GHR: variants seen among roughly 807,000 people sequenced by gnomAD.
GHR encodes growth hormone receptor.
In GHR, 35 loss-of-function variants were observed where a neutral mutation model predicts 67.1. The observed-to-expected ratio is 0.52, with a 90% CI of 0.40 to 0.69. The LOEUF (loss-of-function observed/expected upper bound fraction) is 0.69. Ranked by LOEUF, GHR falls within the 30% of genes least tolerant of loss-of-function variation. The pLI is 0.00. For missense variants in GHR, 792 were observed against 764.6 expected, an observed-to-expected ratio of 1.04 and a Z score of -0.42; for synonymous variants, 272 against 269.1, an observed-to-expected ratio of 1.01 and a Z score of -0.10.
intron 3 of GHR, among the ~76,000 whole-genome samples, chr5:42,666,012 G>C (rs140029709): frequency 2.0e-5 from 3 of 151,996 alleles, no homozygotes; most frequent in Admixed American, 6.6e-5. Context: ...TGACACATGC[G>C]GATTATGGGA....
chr5:42,604,334 C>A (rs1752519201), intron 2 of GHR, among the ~76,000 whole-genome samples: 1 of 152,202 alleles, frequency 6.6e-6, no homozygotes, highest in African/African-American at 2.4e-5. Flanking sequence ...TGCTAACAGA[C>A]TGAATGGAAA....
chr5:42,718,595 A>G lies in GHR; in HGVS notation c.1088A>G (p.Asp363Gly), dbSNP rs575168546. 20 of 1,614,172 alleles carry G rather than the reference A, an allele frequency of 1.2e-5. No individual in the cohort carries two copies. In the African/African-American group the frequency reaches 2.5e-4, roughly 20 times the overall value. Residue 363 changes from aspartate (D) to glycine (G), a missense_variant, in exon 10 of 10, where the codon GAC (aspartate) becomes GGC (glycine). Transcript: ENST00000230882. ...PDEKTEESDTDRLLSSDHEKS... is the reference protein window; with the variant it reads ...PDEKTEESDTGRLLSSDHEKS... ...GAAAAGACTGAGGAATCAGACACAG[A>G]CAGACTTCTAAGCAGTGACCATGAG...
chr5:42,479,494 G>A (rs540824240), intron 1 of GHR, among the ~76,000 whole-genome samples: 12 of 152,234 alleles, frequency 7.9e-5, no homozygotes, highest in African/African-American at 7.2e-5. Context: ...GGTAGAATTC[G>A]GCTGTGAATC....
chr5:42,438,322 A>C (rs1345413401), intron 1 of GHR, among the ~76,000 whole-genome samples: 1 of 152,196 alleles, frequency 6.6e-6, no homozygotes, highest in African/African-American at 2.4e-5. Context: ...TCCTAATTGC[A>C]AATGTGTCCA....
chr5:42,493,430 T>C (rs773505061), intron 1 of GHR, among the ~76,000 whole-genome samples: 1 of 152,220 alleles, frequency 6.6e-6, no homozygotes, highest in African/African-American at 2.4e-5. Flanking sequence ...AGGAAACCTA[T>C]GCCTAAAAAT....
chr5:42,508,667 G>A (rs1003468346), intron 1 of GHR, among the ~76,000 whole-genome samples: 2 of 152,118 alleles, frequency 1.3e-5, no homozygotes, highest in Non-Finnish European at 2.9e-5. Context: ...TGCGCCTCCC[G>A]AGTTCACGCC....
intron 3 of GHR, among the ~76,000 whole-genome samples, chr5:42,650,565 C>T (rs1006060667): frequency 3.5e-5 from 4 of 115,652 alleles, no homozygotes; most frequent in African/African-American, 1.5e-4. Context: ...AATGTACTCA[C>T]TTTTACAGAT....
At chr5:42,645,849 G>T (rs1754703761) in intron 3 of GHR, among the ~76,000 whole-genome samples, 1 of 152,194 alleles carries the variant, frequency 6.6e-6, no homozygotes, top group African/African-American at 2.4e-5. Flanking sequence ...CCGATTTCTA[G>T]GAGCCCTAGG....
chr5:42,670,642 CA>C (rs577222803), intron 3 of GHR, among the ~76,000 whole-genome samples: 57 of 151,424 alleles, frequency 3.8e-4, no homozygotes, highest in African/African-American at 1.4e-3. Flanking sequence ...GTTAATATTC[CA>C]AAAGGTACAA....
intron 2 of GHR, among the ~76,000 whole-genome samples, chr5:42,616,871 G>T (rs1280054523): frequency 1.3e-5 from 2 of 152,072 alleles, no homozygotes; most frequent in Non-Finnish European, 2.9e-5. Flanking sequence ...TAATGTACTG[G>T]GTCAAATGCC....
At chr5:42,632,499 C>A (rs971557302) in intron 3 of GHR, among the ~76,000 whole-genome samples, 3 of 152,202 alleles carry the variant, frequency 2.0e-5, no homozygotes, top group African/African-American at 7.2e-5. Context: ...CTCTTGCTCA[C>A]CAAAAACTGT....
At chr5:42,532,074 G>A (rs1378317280) in intron 1 of GHR, among the ~76,000 whole-genome samples, 3 of 150,532 alleles carry the variant, frequency 2.0e-5, no homozygotes, top group Non-Finnish European at 4.4e-5. Context: ...CATATGATTT[G>A]CTTTTCTTCT....
intron 8 of GHR, among the ~76,000 whole-genome samples, chr5:42,715,978 G>A (rs10063527): frequency 1.3e-5 from 2 of 152,102 alleles, no homozygotes; most frequent in African/African-American, 4.8e-5. Context: ...TGCCACTGTG[G>A]CATAAGGTCA....
intron 3 of GHR, among the ~76,000 whole-genome samples, chr5:42,641,182 G>GCTGTATATAT (rs57383090): frequency 6.6e-6 from 1 of 151,772 alleles, no homozygotes; most frequent in African/African-American, 2.4e-5. Context: ...GCTGTACACA[G>GCTGTATATAT]AGCTAAAAGT....
chr5:42,437,470 C>T (rs1579696382), intron 1 of GHR, among the ~76,000 whole-genome samples: 1 of 152,210 alleles, frequency 6.6e-6, no homozygotes, highest in African/African-American at 2.4e-5. Context: ...TCATGTTTTA[C>T]ACACAGCAGT....
chr5:42,449,979 T>C (rs2940934), intron 1 of GHR, among the ~76,000 whole-genome samples: 34,533 of 152,010 alleles, frequency 0.23, 4,379 homozygotes, highest in African/African-American at 0.32. Context: ...GAAACCACTA[T>C]ATCCCTAGTA....
chr5:42,424,584 T>A lies in GHR; in HGVS notation c.-12+629T>A. 6.5e-7 allele frequency: 1 copy of A among 1,534,914 alleles called. No individual in the cohort carries two copies. The highest frequency in any genetic ancestry group is 1.2e-5 in the South Asian group (1 of 84,032). On this transcript the variant is annotated intron_variant, in intron 1 of 9. Coordinates refer to ENST00000230882, the MANE Select transcript of GHR (RefSeq NM_000163.5). This position sits in a 1 kb window ranked among gnomAD's most constrained non-coding sequence, Gnocchi z 4.1. ...GGGTCAGTAGAGTGACAGCCACCAGTCCGCATGAACTGGGGTAAGTGGAAA... is the reference window on the plus strand; with the variant it reads ...GGGTCAGTAGAGTGACAGCCACCAGACCGCATGAACTGGGGTAAGTGGAAA...
intron 1 of GHR, among the ~76,000 whole-genome samples, chr5:42,455,326 C>G (rs1744216619): frequency 6.6e-6 from 1 of 152,064 alleles, no homozygotes; most frequent in Non-Finnish European, 1.5e-5. Flanking sequence ...TGTGGTGGTT[C>G]TTGGAAAAAA....
intron 1 of GHR, among the ~76,000 whole-genome samples, chr5:42,459,428 C>T (rs574874227): frequency 1.9e-4 from 29 of 152,192 alleles, no homozygotes; most frequent in South Asian, 4.2e-4. Flanking sequence ...AACCAAATAC[C>T]ACATGTTCTC....
Sources: allele counts gnomAD v4.1 joint callset (sites outside exome capture counted in the v4.1 genomes callset), GRCh38; gene constraint gnomAD v4.1.1; non-coding constraint Gnocchi (gnomAD v3.1); transcripts MANE v1.5; gene names NCBI Gene and HGNC (gene_info 2026-07-23, HGNC 2026-07-21).